SNED1: variants seen among roughly 807,000 people sequenced by gnomAD.
SNED1 encodes the protein sushi, nidogen and EGF-like domain-containing protein 1.
A neutral mutation model predicts 166.7 loss-of-function variants in SNED1; 81 were observed. The ratio of observed to expected loss-of-function variants is 0.49; its 90% CI spans 0.41 to 0.58. The LOEUF is 0.58. Among genes scored for constraint, SNED1 ranks in the 20% least tolerant of loss-of-function variants. The pLI is 0.00. For missense variants in SNED1, 1,604 were observed against 2,000.2 expected (o/e 0.80, Z 3.78); for synonymous variants, 762 against 822.0 (o/e 0.93, Z 1.25).
chr2:241,068,004 G>C lies in SNED1; in HGVS notation c.3194+57G>C. 6.7e-7 allele frequency: 1 copy of C among 1,493,934 alleles called. No homozygotes were observed. The highest frequency in any genetic ancestry group is 9.2e-7 in the Non-Finnish European group (1 of 1,089,594). The allele number at this position is 1,493,934 out of a possible 1,614,324, so 92.5% of individuals were successfully genotyped here. On this transcript the variant is annotated intron_variant, in intron 22 of 31. Coordinates refer to ENST00000310397, the MANE Select transcript of SNED1 (RefSeq NM_001080437.3). The surrounding 1 kb of genome is among the most constrained non-coding windows in gnomAD (Gnocchi z 5.3). ...GGTGAAGGCAGGGGTGGGGGCTCGGGGACACGGGGCCCAGGTCTCGGGCAC... is the reference window on the plus strand; with the variant it reads ...GGTGAAGGCAGGGGTGGGGGCTCGGCGACACGGGGCCCAGGTCTCGGGCAC...
chr2:241,027,834 C>T (rs541134926), intron 1 of SNED1, among the ~76,000 whole-genome samples: 2 of 151,498 alleles, frequency 1.3e-5, no homozygotes, highest in African/African-American at 2.4e-5. Context: ...CCCGGGTTCA[C>T]GCCATTCTCC....
chr2:241,062,795 C>T lies in SNED1; in HGVS notation c.2262C>T (p.Ile754=), dbSNP rs765094821. The change falls in exon 17 of 32, where the codon ATC becomes ATT. Residue 754 remains isoleucine (I), a synonymous_variant. Coordinates refer to ENST00000310397, the MANE Select transcript of SNED1 (RefSeq NM_001080437.3). ...VWSEPPQCLE[I]DECRSQPCLH... The stretch of plus-strand genomic sequence containing the variant: ...TCTTGGGCTCTCTCCTCTCAGAAAT[C>T]GATGAGTGCCGGTCTCAGCCGTGCC... The T allele has an allele frequency of 1.6e-5, 26 of 1,606,746 alleles. No individual in the cohort carries two copies. Among genetic ancestry groups the T allele is most frequent in the South Asian group, 1.3e-4 (12 of 89,554 alleles).
intron 18 of SNED1, 120 bp downstream of exon 18, chr2:241,063,820 G>A (rs1477731598): frequency 9.4e-6 from 8 of 849,342 alleles, no homozygotes; most frequent in Non-Finnish European, 1.1e-5. Flanking sequence ...GGACCCCCAG[G>A]GCTGCGGCCA....
chr2:241,023,956 C>T (rs1448504171), intron 1 of SNED1, among the ~76,000 whole-genome samples: 7 of 122,176 alleles, frequency 5.7e-5, no homozygotes, highest in Non-Finnish European at 3.2e-5. Context: ...GTGACGGAAT[C>T]TCTGCTGCAG....
chr2:241,055,569 A>G (rs1236442465), intron 16 of SNED1, among the ~76,000 whole-genome samples: 3 of 152,232 alleles, frequency 2.0e-5, no homozygotes, highest in Non-Finnish European at 4.4e-5. Flanking sequence ...ATGAAATCCT[A>G]TCTTTTCACC....
intron 16 of SNED1, among the ~76,000 whole-genome samples, chr2:241,053,884 A>G (rs2061958283): frequency 6.6e-6 from 1 of 152,218 alleles, no homozygotes; most frequent in Non-Finnish European, 1.5e-5. Flanking sequence ...CTGCAGGTGC[A>G]TCGCATTATG....
In SNED1 at chr2:241,063,718, T is replaced by C; in HGVS notation, c.2485+18T>C. The C allele has an allele frequency of 1.3e-6, 2 of 1,493,780 alleles. 1 individual carries two copies. Among genetic ancestry groups the C allele is most frequent in the South Asian group, 2.3e-5 (2 of 85,978 alleles). 92.5% of individuals were successfully genotyped at this position (1,493,780 alleles called of 1,614,324 possible). On this transcript the variant is annotated intron_variant, in intron 18 of 31. Coordinates refer to ENST00000310397, the MANE Select transcript of SNED1 (RefSeq NM_001080437.3). ...TGAGACAGGTAGGGGCTCCCTCCAG[T>C]GGGCCCCACATGCAGAGCCTGGGCC...
At position 241,048,775 on chromosome 2, in the gene SNED1, C is replaced by A. The variant is rs144878089; in HGVS notation, c.1504+9C>A. ...GCTTCTCTGTGAATTTGGTAGGTGC[C>A]CAGGTCACCCTTCCTGCCCTGTCCC... On this transcript the variant is annotated intron_variant, in intron 10 of 31. Coordinates refer to ENST00000310397, the MANE Select transcript of SNED1 (RefSeq NM_001080437.3). The A allele has an allele frequency of 2.2e-4, 351 of 1,592,842 alleles. No homozygotes were observed. The highest frequency in any genetic ancestry group is 2.6e-4 in the Non-Finnish European group (308 of 1,165,228).
chr2:241,000,396 C>T (rs1430848460), intron 1 of SNED1, among the ~76,000 whole-genome samples: 1 of 152,208 alleles, frequency 6.6e-6, no homozygotes, highest in Non-Finnish European at 1.5e-5. Flanking sequence ...CTGAAAGTCC[C>T]TCTGGACCGG....
chr2:241,055,329 T>C (rs2062011681), intron 16 of SNED1, among the ~76,000 whole-genome samples: 1 of 152,108 alleles, frequency 6.6e-6, no homozygotes. Context: ...CACATTATAG[T>C]AAAATACGAG....
At chr2:241,081,356 G>T (rs1276258749) in intron 27 of SNED1, among the ~76,000 whole-genome samples, 1 of 152,138 alleles carries the variant, frequency 6.6e-6, no homozygotes, top group Non-Finnish European at 1.5e-5. Flanking sequence ...GCCAGTGGGG[G>T]CTCAGCACTG....
In SNED1 at chr2:240,999,215, A is replaced by G. The variant is rs2060002157; in HGVS notation, c.213+165A>G. Among the ~76,000 whole-genome samples, 1 of 149,114 alleles carries G rather than the reference A, an allele frequency of 6.7e-6. No homozygotes were observed. The highest frequency in any genetic ancestry group is 1.5e-5 in the Non-Finnish European group (1 of 67,044). ...TCCTCCTCGGCGGCCAAGGCCGGAC[A>G]GCGGCCCGCGGGAGAGGCGCGCGGG... is the stretch of plus-strand genomic sequence containing the variant. On this transcript the variant is annotated intron_variant, in intron 1 of 31. Transcript: ENST00000310397. This position sits in a 1 kb window ranked among gnomAD's most constrained non-coding sequence, Gnocchi z 5.8.
At position 241,024,596 on chromosome 2, in the gene SNED1, C is replaced by T. The variant is rs111452454; in HGVS notation, c.214-5688C>T. ...TTTCCCACTGTTTTATATTTTTTCT[C>T]TCTCTCCTTTCTTGGCATGTTTTAT... On this transcript the variant is annotated intron_variant, in intron 1 of 31. Transcript: ENST00000310397. Among the ~76,000 whole-genome samples the T allele has an allele frequency of 5.2e-3, 782 of 151,310 alleles. 4 individuals carry two copies. The highest frequency in any genetic ancestry group is 0.018 in the African/African-American group (741 of 41,224).
In SNED1 at chr2:241,015,070, G is replaced by A. The variant is rs547212774; in HGVS notation, c.214-15214G>A. Among the ~76,000 whole-genome samples the A allele has an allele frequency of 2.6e-5, 4 of 152,304 alleles. No homozygotes were observed. The South Asian group carries it at 8.3e-4, about 32-fold the overall frequency. ...AGCCCTTCCACCTTGCTTTTCACAA[G>A]ACAGTCTTGGTTATTTTGGACTTTG... On this transcript the variant is annotated intron_variant, in intron 1 of 31. Coordinates refer to ENST00000310397, the MANE Select transcript of SNED1 (RefSeq NM_001080437.3).
chr2:241,005,648 G>A (rs2060202459), intron 1 of SNED1, among the ~76,000 whole-genome samples: 2 of 151,992 alleles, frequency 1.3e-5, no homozygotes, highest in Non-Finnish European at 2.9e-5. Context: ...AGATAGCTCT[G>A]CTGGGTGGGT....
At chr2:241,053,065 C>A in intron 15 of SNED1, 88 bp from the exon 16 acceptor site, 3 of 1,283,320 alleles carry the variant, frequency 2.3e-6, no homozygotes, top group Non-Finnish European at 2.2e-6. Flanking sequence ...CATCCCTGGG[C>A]CCTGCAGTCG....
At chr2:241,033,498 C>T in intron 2 of SNED1, 1 of 495,404 alleles carries the variant, frequency 2.0e-6, no homozygotes, top group Non-Finnish European at 3.6e-6. Context: ...GTGTTTCACT[C>T]ACCCCAGCAA....
At chr2:241,014,396 C>T (rs2060510602) in intron 1 of SNED1, among the ~76,000 whole-genome samples, 1 of 152,202 alleles carries the variant, frequency 6.6e-6, no homozygotes, top group South Asian at 2.1e-4. Flanking sequence ...AGTGGGATTT[C>T]TGAGCCGTGG....
At chr2:241,057,033 GA>G (rs2062067960) in intron 16 of SNED1, among the ~76,000 whole-genome samples, 1 of 152,086 alleles carries the variant, frequency 6.6e-6, no homozygotes. Context: ...TAAAAATGAA[GA>G]AATACATCAA....
Sources: gnomAD v4.1 joint callset for allele counts (sites outside exome capture counted in the v4.1 genomes callset) on GRCh38, gnomAD v4.1.1 for gene constraint, Gnocchi (gnomAD v3.1) non-coding constraint, MANE v1.5 for transcripts, NCBI Gene and HGNC (gene_info 2026-07-23, HGNC 2026-07-21) for gene names.